The following SEC62 variants were observed in gnomAD, a reference collection of about 807,000 sequenced individuals.
The protein encoded by SEC62 is SEC62 preprotein translocation factor.
A neutral mutation model predicts 47.5 loss-of-function variants in SEC62; 10 were observed. The ratio of observed to expected loss-of-function variants is 0.21; its 90% confidence interval spans 0.13 to 0.36. SEC62 has a LOEUF of 0.36. Ranked by LOEUF, SEC62 falls within the 10% of genes least tolerant of loss-of-function variation. SEC62 has a pLI of 1.00. For missense variants in SEC62, 327 were observed against 464.1 expected, an observed-to-expected ratio of 0.70 and a Z score of 2.71; for synonymous variants, 136 against 150.5, an observed-to-expected ratio of 0.90 and a Z score of 0.71.
intron 1 of SEC62, among the ~76,000 whole-genome samples, chr3:169,968,968 C>T (rs562054536): frequency 6.6e-6 from 1 of 152,220 alleles, no homozygotes; most frequent in South Asian, 2.1e-4. Flanking sequence ...ATATACTAGC[C>T]TAGAAAGTAC....
At chr3:169,973,584 A>G (rs1434220514) in intron 1 of SEC62, among the ~76,000 whole-genome samples, 1 of 151,584 alleles carries the variant, frequency 6.6e-6, no homozygotes, top group Non-Finnish European at 1.5e-5. Flanking sequence ...AATCGCTGGA[A>G]CTCAGGAGGT....
At position 169,982,669 on chromosome 3, in the gene SEC62, A is replaced by G. The variant is rs201485268; in HGVS notation, c.252-38A>G. On this transcript the variant is annotated intron_variant, in intron 3 of 7. Transcript: ENST00000337002. ...TATTTTTGCTTTTCAGTCTCTATCT[A>G]TATGGGGAGTGTAATGCCATACCTG... 2.1e-5 allele frequency: 33 copies of G among 1,597,662 alleles called. No homozygotes were observed. The Admixed American group carries it at 3.0e-4, about 15-fold the overall frequency.
At position 169,988,320 on chromosome 3, in the gene SEC62, G is replaced by T; in HGVS notation, c.691G>T (p.Ala231Ser). ...AGGTGTTTATTACCTCAGTGTGGGT[G>T]CAGGCTGTTTTGTAGCCAGTATTCT... ...RVGVYYLSVG[A>S]GCFVASILLL... Residue 231 changes from alanine (A) to serine (S), a missense_variant, in exon 7 of 8, where the codon GCA becomes TCA. Transcript: ENST00000337002. The T allele has an allele frequency of 6.2e-7, 1 of 1,613,862 alleles. No homozygotes were observed. The highest frequency in any genetic ancestry group is 8.5e-7 in the Non-Finnish European group (1 of 1,179,832).
In SEC62 at chr3:169,995,677, C is replaced by G. The variant is rs189182684; in HGVS notation, c.*2614C>G. On this transcript the variant is annotated 3_prime_UTR_variant, in exon 8 of 8. Transcript: ENST00000337002. ...GAAAACAGCAAGTATGGTTGATTCTCATTATTCAAGGTAGTTACGTTCTAT... is the reference window on the plus strand; with the variant it reads ...GAAAACAGCAAGTATGGTTGATTCTGATTATTCAAGGTAGTTACGTTCTAT... The G allele has an allele frequency of 2.6e-5, 4 of 152,124 alleles. No individual in the cohort carries two copies. Among genetic ancestry groups the G allele is most frequent in the African/African-American group, 9.6e-5 (4 of 41,506 alleles). The allele number at this position is 152,124 out of a possible 1,614,324, so 9.4% of individuals were successfully genotyped here.
chr3:169,997,931 A>G lies in SEC62; in HGVS notation c.*4868A>G, dbSNP rs182134543. 6.6e-6 allele frequency: 1 copy of G among 152,342 alleles called. No homozygotes were observed. The highest frequency in any genetic ancestry group is 2.4e-5 in the African/African-American group (1 of 41,582). The allele number at this position is 152,342 out of a possible 1,614,324, so 9.4% of individuals were successfully genotyped here. On this transcript the variant is annotated 3_prime_UTR_variant, in exon 8 of 8. Coordinates refer to ENST00000337002, the MANE Select transcript of SEC62 (RefSeq NM_003262.4). The stretch of plus-strand genomic sequence containing the variant: ...GTAATAACTGCTATGATGTTGAAGT[A>G]GCATAAAACATATATTAGATATCTG...
chr3:169,983,180 CT>C lies in SEC62; in HGVS notation c.477del (p.Lys161ArgfsTer41). 6.2e-7 allele frequency: 1 copy of C among 1,611,294 alleles called. No homozygotes were observed. The highest frequency in any genetic ancestry group is 8.5e-7 in the Non-Finnish European group (1 of 1,178,560). ...TCATAGGAGGAAACTCCAGGAACTC[CT>C]AAAAAGAAGGAAACTAAGAAAAAAT... ...ESKKEETPGT[P>X]KKKETKKKFK... is the part of the protein sequence containing the mutation. On this transcript the variant is annotated frameshift_variant, in exon 5 of 8. Coordinates refer to ENST00000337002, the MANE Select transcript of SEC62 (RefSeq NM_003262.4). LOFTEE classifies it high-confidence loss of function.
chr3:169,979,119 A>AT (rs1259833811), intron 3 of SEC62, among the ~76,000 whole-genome samples: 1 of 151,944 alleles, frequency 6.6e-6, no homozygotes, highest in East Asian at 1.9e-4. Context: ...AAGACACTCG[A>AT]TTTTCATTGT....
intron 3 of SEC62, 113 bp from the exon 4 acceptor site, chr3:169,982,594 C>A: frequency 1.6e-6 from 2 of 1,280,160 alleles, no homozygotes; most frequent in Non-Finnish European, 2.2e-6. Context: ...TGTAATTTCT[C>A]TTGTGTTGCT....
intron 1 of SEC62, among the ~76,000 whole-genome samples, chr3:169,972,226 T>C (rs531310334): frequency 4.5e-4 from 68 of 152,274 alleles, no homozygotes; most frequent in African/African-American, 1.5e-3. Flanking sequence ...AAAGTAGAAA[T>C]TTCCTTGCCT....
chr3:169,982,642 G>C (rs1715003442), intron 3 of SEC62, 65 bp from the exon 4 acceptor site: 4 of 1,566,868 alleles, frequency 2.6e-6, no homozygotes, highest in Non-Finnish European at 3.5e-6. Flanking sequence ...TTCAGGTCTT[G>C]ATATTTTTGC....
intron 1 of SEC62, among the ~76,000 whole-genome samples, chr3:169,974,100 C>CT (rs1714771063): frequency 6.6e-6 from 1 of 152,138 alleles, no homozygotes; most frequent in Non-Finnish European, 1.5e-5. Flanking sequence ...TGGATAGATT[C>CT]TTTTTTCTAT....
intron 1 of SEC62, among the ~76,000 whole-genome samples, chr3:169,973,492 T>C (rs967716739): frequency 6.6e-6 from 1 of 151,920 alleles, no homozygotes; most frequent in African/African-American, 2.4e-5. Context: ...TAAAATCCCA[T>C]CCCTACAAAA....
intron 7 of SEC62, among the ~76,000 whole-genome samples, chr3:169,988,677 TTAAC>T (rs1440674677): frequency 2.0e-5 from 3 of 152,194 alleles, no homozygotes; most frequent in Non-Finnish European, 4.4e-5. Flanking sequence ...ATCAAGCTAA[TTAAC>T]ATAATTAGCA....
intron 7 of SEC62, among the ~76,000 whole-genome samples, chr3:169,991,817 T>C (rs958383301): frequency 1.3e-5 from 2 of 152,226 alleles, no homozygotes; most frequent in Non-Finnish European, 2.9e-5. Context: ...TGGACCAAGA[T>C]ACATATAGGG....
intron 7 of SEC62, among the ~76,000 whole-genome samples, chr3:169,990,400 T>C (rs1179371887): frequency 6.6e-6 from 1 of 152,192 alleles, no homozygotes; most frequent in Non-Finnish European, 1.5e-5. Context: ...AATCTGTCGC[T>C]TTTAGCATAG....
At chr3:169,985,100 G>A (rs1715070910) in intron 5 of SEC62, 1 of 151,872 alleles carries the variant, frequency 6.6e-6, no homozygotes. Flanking sequence ...GGAGTTGAGT[G>A]ATACTAGATC....
chr3:169,967,052 G>A (rs372238395), intron 1 of SEC62, among the ~76,000 whole-genome samples, 194 bp downstream of exon 1: 2 of 152,204 alleles, frequency 1.3e-5, no homozygotes, highest in African/African-American at 4.8e-5. Flanking sequence ...CGACGGCGGA[G>A]ACAGAGACGG....
rs752886088 is a variant in SEC62, at chr3:169,982,720, C to A, written c.265C>A (p.Gln89Lys). Residue 89 changes from glutamine to lysine, a missense_variant, in exon 4 of 8, where the codon CAG (glutamine) becomes AAG (lysine). Coordinates refer to ENST00000337002, the MANE Select transcript of SEC62 (RefSeq NM_003262.4). ...VDYCNRLLKK[Q>K]FFHRALKVMK... ...TTTTTCCCAAAGGCTTTTAAAGAAG[C>A]AGTTTTTTCACCGAGCCCTAAAAGT... 2 of 1,607,342 alleles carry A rather than the reference C, an allele frequency of 1.2e-6. No individual in the cohort carries two copies. Among genetic ancestry groups the A allele is most frequent in the Non-Finnish European group, 1.7e-6 (2 of 1,176,320 alleles).
At chr3:169,976,390 T>G (rs1714838881) in intron 2 of SEC62, among the ~76,000 whole-genome samples, 1 of 151,998 alleles carries the variant, frequency 6.6e-6, no homozygotes, top group Non-Finnish European at 1.5e-5. Flanking sequence ...AAAAACTAAA[T>G]TGCCAGTGTA....
Sources: allele counts gnomAD v4.1 joint callset (sites outside exome capture counted in the v4.1 genomes callset), GRCh38; gene constraint gnomAD v4.1.1; transcripts MANE v1.5; gene names NCBI Gene and HGNC (gene_info 2026-07-23, HGNC 2026-07-21).